SORCS2: variants seen among roughly 807,000 people sequenced by gnomAD.
SORCS2 encodes VPS10 domain-containing receptor SorCS2.
A neutral mutation model predicts 141.6 loss-of-function variants in SORCS2; 100 were observed. That is an observed-to-expected ratio of 0.71 (90% CI 0.60 to 0.83). SORCS2 has a LOEUF of 0.83. SORCS2 is among the 40% of genes least tolerant of loss of function. The probability of loss-of-function intolerance (pLI) is 0.00; values close to 1 mark genes in which losing one functional copy is unlikely to be tolerated. For synonymous variants in SORCS2, 789 were observed against 676.9 expected (o/e 1.17, Z -2.57); for missense variants, 1,646 against 1,560.2 (o/e 1.05, Z -0.93).
intron 14 of SORCS2, among the ~76,000 whole-genome samples, chr4:7,711,022 C>T (rs1170387928): frequency 6.6e-6 from 1 of 152,214 alleles, no homozygotes; most frequent in African/African-American, 2.4e-5. Context: ...GGGATGGAAC[C>T]AGCCTGGCTG....
chr4:7,638,721 G>A (rs1194860890), intron 4 of SORCS2, among the ~76,000 whole-genome samples: 3 of 152,198 alleles, frequency 2.0e-5, no homozygotes, highest in East Asian at 1.9e-4. Flanking sequence ...GAGCGAGGTG[G>A]TGGTGGGCAG....
intron 1 of SORCS2, among the ~76,000 whole-genome samples, chr4:7,218,171 G>A (rs931228375): frequency 6.6e-6 from 1 of 152,162 alleles, no homozygotes; most frequent in Admixed American, 6.5e-5. Context: ...CCGAGTAGAA[G>A]GTCAGATTGA....
At chr4:7,657,368 C>T (rs143410070) in intron 5 of SORCS2, among the ~76,000 whole-genome samples, 2 of 143,938 alleles carry the variant, frequency 1.4e-5, no homozygotes, top group East Asian at 4.4e-4. Flanking sequence ...TGAGTAACAA[C>T]TGAGTGAGTA....
At chr4:7,695,901 TGGA>T (rs1163795612) in intron 11 of SORCS2, among the ~76,000 whole-genome samples, 1 of 132,088 alleles carries the variant, frequency 7.6e-6, no homozygotes, top group Non-Finnish European at 1.7e-5. Context: ...GATGGATGGA[TGGA>T]TGGATGGATG....
intron 2 of SORCS2, among the ~76,000 whole-genome samples, chr4:7,405,439 G>A (rs1356152683): frequency 6.6e-6 from 1 of 151,992 alleles, no homozygotes; most frequent in Non-Finnish European, 1.5e-5. Context: ...AGATTGCTTT[G>A]GAATGTATGG....
chr4:7,314,488 C>T (rs1034439391), intron 1 of SORCS2, among the ~76,000 whole-genome samples: 50 of 152,032 alleles, frequency 3.3e-4, no homozygotes, highest in Non-Finnish European at 5.4e-4. Flanking sequence ...TACAGGCGCC[C>T]GCCACCACGC....
In SORCS2 at chr4:7,354,280, T is replaced by A. The variant is rs191679691; in HGVS notation, c.481-42008T>A. 2.0e-5 allele frequency among the ~76,000 whole-genome samples: 3 copies of A among 152,232 alleles called. No homozygotes were observed. In the East Asian group the frequency reaches 5.8e-4, roughly 29 times the overall value. On this transcript the variant is annotated intron_variant, in intron 1 of 26. Coordinates refer to ENST00000507866, the MANE Select transcript of SORCS2 (RefSeq NM_020777.3). ...ACTCACCTCAATGTGAGCTCTGACC[T>A]TGGACGTATCCCCCCATGGTAAGGC...
intron 2 of SORCS2, among the ~76,000 whole-genome samples, chr4:7,526,159 A>G (rs886324737): frequency 2.0e-5 from 3 of 152,224 alleles, no homozygotes; most frequent in African/African-American, 4.8e-5. Flanking sequence ...CAGATTCCAC[A>G]TGGTCACTTG....
At chr4:7,366,389 G>A (rs1427560274) in intron 1 of SORCS2, among the ~76,000 whole-genome samples, 1 of 151,902 alleles carries the variant, frequency 6.6e-6, no homozygotes, top group Non-Finnish European at 1.5e-5. Flanking sequence ...GCCTGCGGGG[G>A]GATCCTGCTC....
intron 18 of SORCS2, among the ~76,000 whole-genome samples, chr4:7,723,052 GA>G (rs1329356059): frequency 6.6e-6 from 1 of 152,078 alleles, no homozygotes; most frequent in Non-Finnish European, 1.5e-5. Flanking sequence ...CTCTGCGAGG[GA>G]AATGCGGTTA....
chr4:7,514,744 G>T (rs535446078), intron 2 of SORCS2, among the ~76,000 whole-genome samples: 1 of 152,260 alleles, frequency 6.6e-6, no homozygotes, highest in African/African-American at 2.4e-5. Context: ...ACCCCTGTGA[G>T]CCTTGGTGTC....
At chr4:7,577,836 A>G (rs145564039) in intron 3 of SORCS2, among the ~76,000 whole-genome samples, 4,109 of 147,586 alleles carry the variant, frequency 0.028, 235 homozygotes, top group African/African-American at 0.096. Flanking sequence ...AGCTAGTGCC[A>G]TTGTTTGGAG....
At chr4:7,248,915 T>C (rs1713304388) in intron 1 of SORCS2, among the ~76,000 whole-genome samples, 1 of 152,186 alleles carries the variant, frequency 6.6e-6, no homozygotes, top group South Asian at 2.1e-4. Flanking sequence ...GGATGGGGAC[T>C]TGATGAGCCA....
intron 7 of SORCS2, among the ~76,000 whole-genome samples, 193 bp from the exon 8 acceptor site, chr4:7,666,931 A>C (rs1286032356): frequency 6.6e-6 from 1 of 152,062 alleles, no homozygotes; most frequent in South Asian, 2.1e-4. Flanking sequence ...GCAGAAGACA[A>C]CTTCCCAGAG....
intron 2 of SORCS2, among the ~76,000 whole-genome samples, chr4:7,399,182 G>A (rs1301890411): frequency 2.0e-5 from 3 of 152,126 alleles, no homozygotes; most frequent in African/African-American, 7.2e-5. Flanking sequence ...ACTCACGCCG[G>A]AAGATGGTGC....
chr4:7,634,698 C>T (rs991832726), intron 3 of SORCS2, among the ~76,000 whole-genome samples: 1 of 152,208 alleles, frequency 6.6e-6, no homozygotes, highest in East Asian at 1.9e-4. Context: ...TGCGTGGTGA[C>T]TTCCTTCCAA....
intron 2 of SORCS2, among the ~76,000 whole-genome samples, chr4:7,472,527 G>T (rs532165123): frequency 6.6e-6 from 1 of 152,070 alleles, no homozygotes; most frequent in Non-Finnish European, 1.5e-5. Context: ...TGGCTTTGAC[G>T]CCTGAATGCA....
At chr4:7,485,705 A>T (rs755283358) in intron 2 of SORCS2, among the ~76,000 whole-genome samples, 14 of 152,332 alleles carry the variant, frequency 9.2e-5, no homozygotes, top group Admixed American at 2.0e-4. Flanking sequence ...CAGGCCTGGC[A>T]CCCCTAGAAG....
intron 12 of SORCS2, among the ~76,000 whole-genome samples, chr4:7,700,476 T>C (rs375033932): frequency 6.6e-6 from 1 of 152,154 alleles, no homozygotes; most frequent in African/African-American, 2.4e-5. Flanking sequence ...CCCAGACCAA[T>C]GGGTCTGTCG....
Sources: allele counts gnomAD v4.1 joint callset (sites outside exome capture counted in the v4.1 genomes callset), GRCh38; gene constraint gnomAD v4.1.1; transcripts MANE v1.5; gene names NCBI Gene and HGNC (gene_info 2026-07-23, HGNC 2026-07-21).